The following TBC1D8 variants were observed in gnomAD, a reference collection of about 807,000 sequenced individuals.
TBC1D8 encodes TBC1 domain family member 8.
TBC1D8 carries 65 observed loss-of-function variants against 118.8 expected under a neutral mutation model. The ratio of observed to expected loss-of-function variants is 0.55; its 90% CI spans 0.45 to 0.67. The LOEUF (loss-of-function observed/expected upper bound fraction) is 0.67. Among genes scored for constraint, TBC1D8 ranks in the 30% least tolerant of loss-of-function variants. The probability of loss-of-function intolerance (pLI) is 0.00; values close to 1 mark genes in which losing one functional copy is unlikely to be tolerated. For synonymous variants in TBC1D8, 566 were observed against 595.8 expected, an observed-to-expected ratio of 0.95 and a Z score of 0.73; for missense variants, 1,376 against 1,471.2, an observed-to-expected ratio of 0.94 and a Z score of 1.06.
intron 17 of TBC1D8, among the ~76,000 whole-genome samples, chr2:101,012,546 T>TAAAG (rs1006768432): frequency 2.0e-5 from 3 of 151,448 alleles, no homozygotes; most frequent in Non-Finnish European, 2.9e-5. Context: ...TAGTGAGAGC[T>TAAAG]AAAGATATGA....
chr2:101,021,587 A>G, intron 17 of TBC1D8, 94 bp downstream of exon 17: 1 of 892,418 alleles, frequency 1.1e-6, no homozygotes, highest in South Asian at 1.7e-5. Flanking sequence ...AGCATAAGTG[A>G]ACTTTAAAAA....
intron 1 of TBC1D8, among the ~76,000 whole-genome samples, chr2:101,130,123 G>T (rs1005360821): frequency 1.3e-5 from 2 of 152,118 alleles, no homozygotes; most frequent in African/African-American, 4.8e-5. Context: ...TGAGTCGAGG[G>T]CCGGTCCTGC....
intron 1 of TBC1D8, 45 bp downstream of exon 1, chr2:101,151,082 A>T: frequency 1.4e-5 from 7 of 507,204 alleles, no homozygotes; most frequent in Non-Finnish European, 1.8e-5. Context: ...GCGGGGTGCG[A>T]GGCCCCGGGC....
chr2:101,068,566 T>G (rs756832602), intron 2 of TBC1D8: 9 of 557,902 alleles, frequency 1.6e-5, no homozygotes, highest in Admixed American at 7.5e-5. Flanking sequence ...AATCTCTGAC[T>G]CTGGTAAAAT....
chr2:101,086,141 CA>C lies in TBC1D8; in HGVS notation c.283+4067del, dbSNP rs1294886220. 7.1e-3 allele frequency among the ~76,000 whole-genome samples: 805 copies of C among 112,986 alleles called. 2 individuals carry two copies. The highest frequency in any genetic ancestry group is 0.012 in the African/African-American group (370 of 31,026). The allele number at this position is 112,986 out of a possible 152,430, so 74.1% of individuals were successfully genotyped here. A position where few individuals can be genotyped will look rare whatever the true frequency, so the allele number is the denominator to read the frequency against. ...TGTGCAACAGAGCGAGACTCTGTCT[CA>C]AAAAAAAAAAAAAAACTTGACAACA... is the stretch of plus-strand genomic sequence containing the variant. On this transcript the variant is annotated intron_variant, in intron 2 of 19. Transcript: ENST00000409318.
chr2:101,036,350 T>G (rs113867123), intron 8 of TBC1D8, among the ~76,000 whole-genome samples, 182 bp from the exon 9 acceptor site: 2,316 of 152,250 alleles, frequency 0.015, 55 homozygotes, highest in African/African-American at 0.053. Context: ...GCACAGAGGA[T>G]GCAAAGATGA....
intron 1 of TBC1D8, among the ~76,000 whole-genome samples, chr2:101,136,781 T>C (rs1429560254): frequency 6.6e-6 from 1 of 152,206 alleles, no homozygotes; most frequent in African/African-American, 2.4e-5. Flanking sequence ...AGCTATACAT[T>C]CTGTAAGCAA....
rs763639291 is a variant in TBC1D8 at position 101,040,142 on chromosome 2, G to A, written c.1080+36C>T. 15 of 1,600,480 alleles carry A rather than the reference G, an allele frequency of 9.4e-6. No homozygotes were observed. The East Asian group carries it at 1.6e-4, about 17-fold the overall frequency. Reference sequence around the variant, plus strand: ...GCAACCTTGTGTTCAAACAACAAAAGGCTGCTTCGGGAAGCAGACAGTAGG... The same window carrying A: ...GCAACCTTGTGTTCAAACAACAAAAAGCTGCTTCGGGAAGCAGACAGTAGG... On this transcript the variant is annotated intron_variant, in intron 6 of 19. Coordinates refer to ENST00000409318, the MANE Select transcript of TBC1D8 (RefSeq NM_001330348.2).
intron 5 of TBC1D8, among the ~76,000 whole-genome samples, chr2:101,049,044 A>G (rs1300921423): frequency 6.6e-6 from 1 of 152,160 alleles, no homozygotes; most frequent in African/African-American, 2.4e-5. Flanking sequence ...TTTGGTGACT[A>G]TGAATAATGC....
At chr2:101,042,551 C>T (rs940002019) in intron 5 of TBC1D8, among the ~76,000 whole-genome samples, 1 of 152,060 alleles carries the variant, frequency 6.6e-6, no homozygotes, top group African/African-American at 2.4e-5. Context: ...CTAAAATGAT[C>T]CCCACAATAT....
chr2:101,148,527 A>G (rs769650798), intron 1 of TBC1D8, among the ~76,000 whole-genome samples: 5 of 152,172 alleles, frequency 3.3e-5, no homozygotes, highest in Non-Finnish European at 7.3e-5. Context: ...AGAAAAAGAG[A>G]GAGAGAGCAT....
intron 16 of TBC1D8, 145 bp downstream of exon 16, chr2:101,022,136 G>T: frequency 7.3e-7 from 1 of 1,360,722 alleles, no homozygotes; most frequent in Non-Finnish European, 1.0e-6. Context: ...CCTGCAGAGT[G>T]ATATTTCAAA....
intron 11 of TBC1D8, among the ~76,000 whole-genome samples, chr2:101,030,951 T>C (rs1045120568): frequency 5.3e-5 from 8 of 152,206 alleles, no homozygotes; most frequent in African/African-American, 1.7e-4. Context: ...CCCATGGTGA[T>C]AGAACTCAGT....
intron 1 of TBC1D8, among the ~76,000 whole-genome samples, chr2:101,127,016 T>C (rs749906181): frequency 2.0e-5 from 3 of 152,172 alleles, no homozygotes; most frequent in Non-Finnish European, 4.4e-5. Context: ...AATTCTGGGC[T>C]AGAGCCAGAG....
chr2:101,007,669 T>G lies in TBC1D8; in HGVS notation c.*152A>C, dbSNP rs1452673068. The G allele has an allele frequency of 4.0e-6, 3 of 748,320 alleles. No individual in the cohort carries two copies. Among genetic ancestry groups the G allele is most frequent in the Non-Finnish European group, 6.6e-6 (3 of 455,690 alleles). 46.4% of individuals were successfully genotyped at this position (748,320 alleles called of 1,614,324 possible). A position where few individuals can be genotyped will look rare whatever the true frequency, so the allele number is the denominator to read the frequency against. ...TACATAGAAATGCTTGAGGGTTGTG[T>G]CGGTTCCCCTGGCCACAGTTTGTCA... On this transcript the variant is annotated 3_prime_UTR_variant, in exon 20 of 20. Transcript: ENST00000409318.
chr2:101,139,110 A>C (rs1342774044), intron 1 of TBC1D8, among the ~76,000 whole-genome samples: 3 of 151,644 alleles, frequency 2.0e-5, no homozygotes, highest in African/African-American at 7.3e-5. Flanking sequence ...AGTAGTGAGT[A>C]CTAACCCCAT....
intron 1 of TBC1D8, among the ~76,000 whole-genome samples, chr2:101,108,950 T>A (rs1021204162): frequency 6.6e-6 from 1 of 152,162 alleles, no homozygotes; most frequent in Non-Finnish European, 1.5e-5. Flanking sequence ...CAAAACCAGG[T>A]ATGGGGTATA....
At chr2:101,105,038 A>C (rs1677109611) in intron 1 of TBC1D8, among the ~76,000 whole-genome samples, 1 of 151,884 alleles carries the variant, frequency 6.6e-6, no homozygotes, top group Non-Finnish European at 1.5e-5. Flanking sequence ...AAAAAAAAAA[A>C]AAAAAACTTC....
At chr2:101,087,643 CAAAAAA>C (rs34582477) in intron 2 of TBC1D8, among the ~76,000 whole-genome samples, 1 of 104,896 alleles carries the variant, frequency 9.5e-6, no homozygotes, top group Non-Finnish European at 2.0e-5. Context: ...GACTCTGTCT[CAAAAAA>C]AAAAAAAAAA....
Sources: gnomAD v4.1 joint callset for allele counts (sites outside exome capture counted in the v4.1 genomes callset) on GRCh38, gnomAD v4.1.1 for gene constraint, MANE v1.5 for transcripts, NCBI Gene and HGNC (gene_info 2026-07-23, HGNC 2026-07-21) for gene names.